The following PDE4B variants were observed in gnomAD, a reference collection of about 807,000 sequenced individuals.
The protein encoded by PDE4B is 3',5'-cyclic-AMP phosphodiesterase 4B.
In PDE4B, 20 loss-of-function variants were observed where a neutral mutation model predicts 82.2. The observed-to-expected ratio is 0.24, with a 90% CI of 0.17 to 0.35. PDE4B has a LOEUF of 0.35. Among genes scored for constraint, PDE4B ranks in the 10% least tolerant of loss-of-function variants. PDE4B has a pLI of 1.00. For missense variants in PDE4B, 655 were observed against 907.2 expected (o/e 0.72, Z 3.57); for synonymous variants, 320 against 318.9 (o/e 1.00, Z -0.04).
chr1:66,007,364 A>C (rs1438385711), intron 3 of PDE4B, among the ~76,000 whole-genome samples: 1 of 152,070 alleles, frequency 6.6e-6, no homozygotes, highest in African/African-American at 2.4e-5. Flanking sequence ...GAATTGCTTG[A>C]ACTCTGGAGG....
chr1:66,095,274 T>A (rs759553351), intron 3 of PDE4B, among the ~76,000 whole-genome samples: 1 of 151,914 alleles, frequency 6.6e-6, no homozygotes, highest in Non-Finnish European at 1.5e-5. Context: ...CTTATTTAAG[T>A]CTCAGTTTGC....
chr1:65,962,922 A>G (rs1649618019), intron 3 of PDE4B, among the ~76,000 whole-genome samples: 1 of 152,162 alleles, frequency 6.6e-6, no homozygotes, highest in Non-Finnish European at 1.5e-5. Context: ...ACTGGGTTGT[A>G]TGTGGTGGTG....
At chr1:66,266,981 T>C (rs955468712) in intron 7 of PDE4B, 1 of 206,156 alleles carries the variant, frequency 4.9e-6, no homozygotes, top group Non-Finnish European at 1.0e-5. Flanking sequence ...TTAAAATCTT[T>C]CTCTCTTGGT....
chr1:66,006,055 A>G (rs1028084959), intron 3 of PDE4B, among the ~76,000 whole-genome samples: 1 of 152,236 alleles, frequency 6.6e-6, no homozygotes, highest in Non-Finnish European at 1.5e-5. Context: ...AAAAGTTTCT[A>G]AAAAAGTTTT....
chr1:66,188,769 C>T (rs7418499), intron 3 of PDE4B, among the ~76,000 whole-genome samples: 28,734 of 151,030 alleles, frequency 0.19, 2,852 homozygotes, highest in Non-Finnish European at 0.22. Context: ...GCACACTGAT[C>T]GGTCTTGACT....
At chr1:65,963,057 C>T (rs986335110) in intron 3 of PDE4B, among the ~76,000 whole-genome samples, 1 of 152,116 alleles carries the variant, frequency 6.6e-6, no homozygotes, top group African/African-American at 2.4e-5. Flanking sequence ...TTCCAGCTAC[C>T]AACTGGCTTG....
intron 3 of PDE4B, among the ~76,000 whole-genome samples, chr1:66,098,774 C>T (rs1645164291): frequency 6.6e-6 from 1 of 152,102 alleles, no homozygotes; most frequent in African/African-American, 2.4e-5. Flanking sequence ...TAAAAAGCAA[C>T]TTAATTGGAG....
intron 3 of PDE4B, among the ~76,000 whole-genome samples, chr1:66,200,112 C>A (rs1648747599): frequency 6.6e-6 from 1 of 152,144 alleles, no homozygotes; most frequent in South Asian, 2.1e-4. Flanking sequence ...AATCCTTTCA[C>A]CATTTCTTGT....
At chr1:66,207,172 T>G (rs941583329) in intron 3 of PDE4B, among the ~76,000 whole-genome samples, 1 of 152,242 alleles carries the variant, frequency 6.6e-6, no homozygotes, top group African/African-American at 2.4e-5. Context: ...TATTTTTGTT[T>G]CCAGAGTAAC....
chr1:66,158,894 T>G (rs984830216), intron 3 of PDE4B, among the ~76,000 whole-genome samples: 3 of 152,056 alleles, frequency 2.0e-5, no homozygotes, highest in Non-Finnish European at 4.4e-5. Context: ...AAAAAGATGA[T>G]CTCATAAAAG....
chr1:65,869,578 G>A (rs1207926851), intron 1 of PDE4B, among the ~76,000 whole-genome samples: 1 of 152,134 alleles, frequency 6.6e-6, no homozygotes, highest in Non-Finnish European at 1.5e-5. Flanking sequence ...TTAAATATTA[G>A]TTGTCAGTTC....
chr1:65,936,460 C>T (rs1648143236), intron 3 of PDE4B, among the ~76,000 whole-genome samples: 1 of 152,122 alleles, frequency 6.6e-6, no homozygotes, highest in African/African-American at 2.4e-5. Context: ...ACATGTGGTC[C>T]ATCTTTGACC....
At chr1:65,959,057 A>C (rs1649415637) in intron 3 of PDE4B, among the ~76,000 whole-genome samples, 1 of 152,184 alleles carries the variant, frequency 6.6e-6, no homozygotes, top group Admixed American at 6.6e-5. Context: ...CTGCACTGTT[A>C]ATTTCCTGTA....
At chr1:66,273,460 A>C (rs900383737) in intron 7 of PDE4B, among the ~76,000 whole-genome samples, 10 of 152,256 alleles carry the variant, frequency 6.6e-5, no homozygotes, top group Non-Finnish European at 2.9e-5. Flanking sequence ...CTGGGCCCTG[A>C]TATATACTAT....
chr1:65,942,998 G>A (rs1282457168), intron 3 of PDE4B, among the ~76,000 whole-genome samples: 1 of 151,920 alleles, frequency 6.6e-6, no homozygotes, highest in Non-Finnish European at 1.5e-5. Context: ...TGGCTGTACA[G>A]AAGCTTTTCA....
At chr1:66,019,913 T>C (rs903938968) in intron 3 of PDE4B, among the ~76,000 whole-genome samples, 1 of 152,206 alleles carries the variant, frequency 6.6e-6, no homozygotes, top group Admixed American at 6.5e-5. Context: ...TGTTCATTTG[T>C]AGACATCATT....
intron 3 of PDE4B, among the ~76,000 whole-genome samples, chr1:66,142,049 A>G (rs1646183601): frequency 6.6e-6 from 1 of 152,222 alleles, no homozygotes; most frequent in African/African-American, 2.4e-5. Context: ...TATTCTTACA[A>G]TAAACTAGAT....
intron 3 of PDE4B, among the ~76,000 whole-genome samples, chr1:65,927,270 C>G (rs1357541584): frequency 6.6e-6 from 1 of 151,184 alleles, no homozygotes; most frequent in Non-Finnish European, 1.5e-5. Context: ...CAAGCAATAC[C>G]AACAATGCAC....
intron 1 of PDE4B, among the ~76,000 whole-genome samples, chr1:65,887,244 T>TTC (rs1310054145): frequency 8.1e-5 from 1 of 12,418 alleles, no homozygotes; most frequent in Non-Finnish European, 1.4e-4. Context: ...CTTTCTTTCT[T>TTC]TCTTTTCTTT....
Sources: allele counts gnomAD v4.1 joint callset (sites outside exome capture counted in the v4.1 genomes callset), GRCh38; gene constraint gnomAD v4.1.1; transcripts MANE v1.5; gene names NCBI Gene and HGNC (gene_info 2026-07-23, HGNC 2026-07-21).